MEFV: variants seen among roughly 807,000 people sequenced by gnomAD.
The protein encoded by MEFV is MEFV innate immunity regulator, pyrin, also known as pyrin.
In MEFV, 60 loss-of-function variants were observed where a neutral mutation model predicts 62.5. The observed-to-expected ratio is 0.96, with a 90% confidence interval of 0.78 to 1.19. The LOEUF (loss-of-function observed/expected upper bound fraction) is 1.19, where lower values mean the gene tolerates loss of function less well. Ranked by LOEUF, MEFV falls within the 50% of genes most tolerant of loss-of-function variation. The pLI is 0.00. For missense variants in MEFV, 1,169 were observed against 1,004.5 expected (o/e 1.16, Z -2.21); for synonymous variants, 500 against 415.2 (o/e 1.20, Z -2.48).
In MEFV at chr16:3,254,794, G is replaced by C; in HGVS notation, c.278-4C>G. The C allele has an allele frequency of 6.2e-7, 1 of 1,610,960 alleles. No homozygotes were observed. The highest frequency in any genetic ancestry group is 8.5e-7 in the Non-Finnish European group (1 of 1,179,990). ...CCGTTTTCTTGTGTGGAATATTCTGGAAGGACAACCAGATGCAAAATGATG... is the reference window on the plus strand; with the variant it reads ...CCGTTTTCTTGTGTGGAATATTCTGCAAGGACAACCAGATGCAAAATGATG... On this transcript the variant is annotated splice_polypyrimidine_tract_variant and splice_region_variant and intron_variant, in intron 1 of 9. Coordinates refer to ENST00000219596, the MANE Select transcript of MEFV (RefSeq NM_000243.3).
rs1404914694 is a variant in MEFV, at chr16:3,243,204, A to G, written c.2283T>C (p.Arg761=). The change falls in exon 10 of 10, where the codon CGT becomes CGC. Residue 761 remains arginine, a synonymous_variant. Coordinates refer to ENST00000219596, the MANE Select transcript of MEFV (RefSeq NM_000243.3). Reference sequence around the variant, plus strand: ...GAGGAGCTGTGTTCTTCCCTCCATCACGTGTCCCAGGGCTGAAGATAGGTT... The same window carrying G: ...GAGGAGCTGTGTTCTTCCCTCCATCGCGTGTCCCAGGGCTGAAGATAGGTT... ...PLQPIFSPGT[R]DGGKNTAPLT... is the part of the protein sequence containing the mutation. 2 of 1,613,984 alleles carry G rather than the reference A, an allele frequency of 1.2e-6. No homozygotes were observed. The highest frequency in any genetic ancestry group is 4.5e-5 in the East Asian group (2 of 44,870).
Position 3,247,191 on chromosome 16 carries a change from T to C in MEFV, c.1412A>G (p.Tyr471Cys), listed in dbSNP as rs1161566990. Reference sequence around the variant, plus strand: ...GAAATGCTCTTGCTGCTCCAGGAAGTAGTACACCTGCTCCAGCTTCCTCTG... The same window carrying C: ...GAAATGCTCTTGCTGCTCCAGGAAGCAGTACACCTGCTCCAGCTTCCTCTG... ...RVQRKLEQVYYFLEQQEHFFV... is the reference protein window; with the variant it reads ...RVQRKLEQVYCFLEQQEHFFV... The change falls in exon 5 of 10, where the codon TAC (tyrosine) becomes TGC (cysteine). Residue 471 changes from tyrosine (Y) to cysteine (C), a missense_variant. Physicochemically the swap from Tyr to Cys is radical, Grantham distance 194 (BLOSUM62 -2). Coordinates refer to ENST00000219596, the MANE Select transcript of MEFV (RefSeq NM_000243.3). 2.5e-6 allele frequency: 4 copies of C among 1,614,010 alleles called. No homozygotes were observed. Among genetic ancestry groups the C allele is most frequent in the African/African-American group, 2.7e-5 (2 of 74,894 alleles).
At position 3,244,546 on chromosome 16, in the gene MEFV, T is replaced by C; in HGVS notation, c.1653A>G (p.Gln551=). The C allele has an allele frequency of 6.2e-7, 1 of 1,614,144 alleles. No homozygotes were observed. The highest frequency in any genetic ancestry group is 8.5e-7 in the Non-Finnish European group (1 of 1,180,028). Reference sequence around the variant, plus strand: ...GGAGTTGGATCTTTTGTTTTATCTCTTGAGGAGTGGTCCACTTTTCAGGGA... The same window carrying C: ...GGAGTTGGATCTTTTGTTTTATCTCCTGAGGAGTGGTCCACTTTTCAGGGA... The part of the protein sequence containing the change: ...VPVPEKWTTP[Q]EIKQKIQLLH... The change falls in exon 7 of 10, where the codon CAA becomes CAG. Residue 551 remains glutamine, a synonymous_variant. Transcript: ENST00000219596.
Position 3,242,227 on chromosome 16 carries a change from G to C in MEFV, c.*914C>G. 1 of 234,800 alleles carries C rather than the reference G, an allele frequency of 4.3e-6. No homozygotes were observed. Among genetic ancestry groups the C allele is most frequent in the Non-Finnish European group, 9.0e-6 (1 of 111,404 alleles). 14.5% of individuals were successfully genotyped at this position (234,800 alleles called of 1,614,324 possible). ...AAAATGCAAAAAATTAGCCGGGCAT[G>C]GTGGCGGGCGCCTGTAATCCCAGCT... On this transcript the variant is annotated 3_prime_UTR_variant, in exon 10 of 10. Coordinates refer to ENST00000219596, the MANE Select transcript of MEFV (RefSeq NM_000243.3).
chr16:3,253,471 C>T (rs935052168), intron 2 of MEFV, among the ~76,000 whole-genome samples: 2 of 152,136 alleles, frequency 1.3e-5, no homozygotes, highest in Non-Finnish European at 2.9e-5. Flanking sequence ...CTGATAACAC[C>T]TGATTGCCTT....
At chr16:3,246,622 G>T in intron 5 of MEFV, 75 bp from the exon 6 acceptor site, 1 of 1,559,420 alleles carries the variant, frequency 6.4e-7, no homozygotes, top group Non-Finnish European at 8.8e-7. Flanking sequence ...TCTACTTCTG[G>T]GCTCCTGGAC....
intron 3 of MEFV, 118 bp from the exon 4 acceptor site, chr16:3,249,122 G>A (rs1453910889): frequency 1.4e-5 from 14 of 1,018,942 alleles, no homozygotes; most frequent in Middle Eastern, 4.3e-4. Context: ...TGCTGCCAGC[G>A]GCATGGGGAG....
At chr16:3,252,272 C>CTTT (rs534371432) in intron 2 of MEFV, among the ~76,000 whole-genome samples, 5 of 130,730 alleles carry the variant, frequency 3.8e-5, no homozygotes, top group African/African-American at 1.1e-4. Flanking sequence ...ACTCCCAATT[C>CTTT]TTTTTTTTTT....
intron 1 of MEFV, among the ~76,000 whole-genome samples, chr16:3,256,007 GA>G (rs997941799): frequency 6.6e-6 from 1 of 152,076 alleles, no homozygotes; most frequent in African/African-American, 2.4e-5. Context: ...ATGTTTGTCT[GA>G]CATGAGTATT....
chr16:3,244,646 C>G, intron 6 of MEFV, 58 bp from the exon 7 acceptor site: 1 of 1,289,522 alleles, frequency 7.8e-7, no homozygotes, highest in Non-Finnish European at 1.1e-6. Context: ...GCCCAAGTAC[C>G]CGTGAGCTGG....
Position 3,243,393 on chromosome 16 carries a change from C to T in MEFV, c.2094G>A (p.Glu698=), listed in dbSNP as rs1958888704. 1.2e-6 allele frequency: 2 copies of T among 1,614,042 alleles called. No individual in the cohort carries two copies. The highest frequency in any genetic ancestry group is 2.2e-5 in the South Asian group (2 of 91,084). ...TCGGGGGAACGCTGGACGCCTGGTA[C>T]TCATTTTCCTTCATCATTATCACCA... ...YWVVIMMKEN[E]YQASSVPPTR... Residue 698 remains glutamate, a synonymous_variant, in exon 10 of 10, where the codon GAG becomes GAA. Coordinates refer to ENST00000219596, the MANE Select transcript of MEFV (RefSeq NM_000243.3).
Position 3,242,241 on chromosome 16 carries a change from G to C in MEFV, c.*900C>G. ...TAGCCGGGCATGGTGGCGGGCGCCTGTAATCCCAGCTACTTCGGAGGCTGA... is the reference window on the plus strand; with the variant it reads ...TAGCCGGGCATGGTGGCGGGCGCCTCTAATCCCAGCTACTTCGGAGGCTGA... On this transcript the variant is annotated 3_prime_UTR_variant, in exon 10 of 10. Coordinates refer to ENST00000219596, the MANE Select transcript of MEFV (RefSeq NM_000243.3). 1 of 219,466 alleles carries C rather than the reference G, an allele frequency of 4.6e-6. No homozygotes were observed. Among genetic ancestry groups the C allele is most frequent in the South Asian group, 3.9e-5 (1 of 25,492 alleles). The allele number at this position is 219,466 out of a possible 1,614,324, so 13.6% of individuals were successfully genotyped here. A position where few individuals can be genotyped will look rare whatever the true frequency, so the allele number is the denominator to read the frequency against.
Position 3,252,949 on chromosome 16 carries a change from CAAAAAAA to C in MEFV, c.910+1202_910+1208del, listed in dbSNP as rs5815167. On this transcript the variant is annotated intron_variant, in intron 2 of 9. Transcript: ENST00000219596. ...TGGGAGACAGACTGAGACTCTGTCT[CAAAAAAA>C]AAAAAAAAAAAAAAAAAGGAAAGTG... is the stretch of plus-strand genomic sequence containing the variant. Among the ~76,000 whole-genome samples the C allele has an allele frequency of 2.3e-4, 12 of 51,644 alleles. No individual in the cohort carries two copies. The South Asian group carries it at 2.6e-3, about 11-fold the overall frequency. The allele number at this position is 51,644 out of a possible 152,430, so 33.9% of individuals were successfully genotyped here.
At position 3,246,394 on chromosome 16, in the gene MEFV, G is replaced by C; in HGVS notation, c.1610+131C>G. ...TCCAGAGAGGCTTTGGGAAGCTGCAGAAAAAAGGAGGAGTCTGGAATCACA... is the reference window on the plus strand; with the variant it reads ...TCCAGAGAGGCTTTGGGAAGCTGCACAAAAAAGGAGGAGTCTGGAATCACA... On this transcript the variant is annotated intron_variant, in intron 6 of 9. Transcript: ENST00000219596. 3 of 1,048,574 alleles carry C rather than the reference G, an allele frequency of 2.9e-6. No individual in the cohort carries two copies. The South Asian group carries it at 4.0e-5, about 14-fold the overall frequency. The allele number at this position is 1,048,574 out of a possible 1,614,324, so 65.0% of individuals were successfully genotyped here.
intron 1 of MEFV, 27 bp from the exon 2 acceptor site, chr16:3,254,817 A>C (rs759188565): frequency 3.7e-6 from 6 of 1,607,934 alleles, no homozygotes; most frequent in Non-Finnish European, 8.5e-7. Context: ...ATGCAAAATG[A>C]TGAAGCTGTC....
chr16:3,244,026 C>G, intron 8 of MEFV, 134 bp from the exon 9 acceptor site: 2 of 1,553,848 alleles, frequency 1.3e-6, no homozygotes, highest in Non-Finnish European at 1.7e-6. Context: ...TGGGTATAAT[C>G]CCGTTCCTCC....
chr16:3,249,055 T>C, intron 3 of MEFV, 51 bp from the exon 4 acceptor site: 1 of 1,563,180 alleles, frequency 6.4e-7, no homozygotes, highest in Non-Finnish European at 8.8e-7. Context: ...CTGCCATCTT[T>C]AGCTGGTGCC....
intron 5 of MEFV, 40 bp downstream of exon 5, chr16:3,246,976 G>C: frequency 6.3e-7 from 1 of 1,585,610 alleles, no homozygotes. Context: ...ATCCTGATAG[G>C]CACAGGGGAC....
Position 3,243,323 on chromosome 16 carries a change from C to G in MEFV, c.2164G>C (p.Val722Leu), listed in dbSNP as rs104895201. 4 of 1,614,076 alleles carry G rather than the reference C, an allele frequency of 2.5e-6. No homozygotes were observed. The highest frequency in any genetic ancestry group is 1.1e-5 in the South Asian group (1 of 91,094). ...GAGATGCTTCCAACTCTGTAGTCCA[C>G]GAAGATGCCCACACGCTTGGGAGGC... The part of the protein sequence containing the change: ...KEPPKRVGIF[V>L]DYRVGSISFY... The change falls in exon 10 of 10, where the codon GTG becomes CTG. Residue 722 changes from valine to leucine, a missense_variant. Transcript: ENST00000219596.
Sources: allele counts gnomAD v4.1 joint callset (sites outside exome capture counted in the v4.1 genomes callset), GRCh38; gene constraint gnomAD v4.1.1; transcripts MANE v1.5; gene names NCBI Gene and HGNC (gene_info 2026-07-23, HGNC 2026-07-21).